The following RELT variants were observed in gnomAD, a reference collection of about 807,000 sequenced individuals.
RELT encodes the protein RELT TNF receptor, also known as tumor necrosis factor receptor superfamily member 19L.
RELT carries 37 observed loss-of-function variants against 51.1 expected under a neutral mutation model. The ratio of observed to expected loss-of-function variants is 0.72; its 90% CI spans 0.56 to 0.95. The LOEUF (loss-of-function observed/expected upper bound fraction) is 0.95. RELT is among the 40% of genes least tolerant of loss of function. The probability of loss-of-function intolerance (pLI) is 0.00; values close to 1 mark genes in which losing one functional copy is unlikely to be tolerated. For missense variants in RELT, 535 were observed against 572.6 expected, an observed-to-expected ratio of 0.93 and a Z score of 0.67; for synonymous variants, 241 against 235.7, an observed-to-expected ratio of 1.02 and a Z score of -0.21.
At chr11:73,378,651 G>C (rs1866005466) in intron 1 of RELT, among the ~76,000 whole-genome samples, 1 of 152,188 alleles carries the variant, frequency 6.6e-6, no homozygotes, top group African/African-American at 2.4e-5. Flanking sequence ...GCCTAGCCAG[G>C]GCATTACATT....
chr11:73,394,407 A>C lies in RELT; in HGVS notation c.789-70A>C. ...CTCCCACTTGGGTCTCCCTCAAGTCACCCTGTTCCCTGCTGGGGTCTCCTG... is the reference window on the plus strand; with the variant it reads ...CTCCCACTTGGGTCTCCCTCAAGTCCCCCTGTTCCCTGCTGGGGTCTCCTG... On this transcript the variant is annotated intron_variant, in intron 8 of 10. Coordinates refer to ENST00000064780, the MANE Select transcript of RELT (RefSeq NM_152222.2). This position sits in a 1 kb window ranked among gnomAD's most constrained non-coding sequence, Gnocchi z 4.9. The C allele has an allele frequency of 6.2e-7, 1 of 1,608,710 alleles. No individual in the cohort carries two copies. Among genetic ancestry groups the C allele is most frequent in the East Asian group, 2.2e-5 (1 of 44,794 alleles).
chr11:73,381,789 C>T (rs1866054171), intron 1 of RELT, among the ~76,000 whole-genome samples: 1 of 152,146 alleles, frequency 6.6e-6, no homozygotes, highest in Non-Finnish European at 1.5e-5. Context: ...GGACGTAGGC[C>T]TGTACAGGGG....
At position 73,391,880 on chromosome 11, in the gene RELT, G is replaced by A. The variant is rs534320073; in HGVS notation, c.368-331G>A. ...CACCCCCTGAGGCACTAGATTCATGGCCAGGCCACAGGGAGGCAGATCCCA... is the reference window on the plus strand; with the variant it reads ...CACCCCCTGAGGCACTAGATTCATGACCAGGCCACAGGGAGGCAGATCCCA... On this transcript the variant is annotated intron_variant, in intron 5 of 10. Transcript: ENST00000064780. 1.4e-4 allele frequency: 64 copies of A among 455,118 alleles called. 2 individuals are homozygous for A. The East Asian group carries it at 2.4e-3, about 17-fold the overall frequency. The allele number at this position is 455,118 out of a possible 1,614,324, so 28.2% of individuals were successfully genotyped here.
Position 73,391,141 on chromosome 11 carries a change from C to A in RELT, c.288-3C>A. 1.2e-6 allele frequency: 2 copies of A among 1,613,034 alleles called. No individual in the cohort carries two copies. Among genetic ancestry groups the A allele is most frequent in the Non-Finnish European group, 1.7e-6 (2 of 1,179,446 alleles). ...GCCTCAGTGGTATCTTCCCTCCTCG[C>A]AGGTGGTTTGGGCCTTGGGGGGTTC... On this transcript the variant is annotated splice_polypyrimidine_tract_variant and splice_region_variant and intron_variant, in intron 4 of 10. Transcript: ENST00000064780.
rs2134456149 is a variant in RELT at position 73,394,455 on chromosome 11, C to T, written c.789-22C>T. On this transcript the variant is annotated intron_variant, in intron 8 of 10. Coordinates refer to ENST00000064780, the MANE Select transcript of RELT (RefSeq NM_152222.2). This position sits in a 1 kb window ranked among gnomAD's most constrained non-coding sequence, Gnocchi z 4.9. ...CTGCCCCTGGCCTGGCCTATGGCCA[C>T]TTCTGCCTGTGCCCCCTGCAGGCTG... 6.2e-7 allele frequency: 1 copy of T among 1,609,592 alleles called. No individual in the cohort carries two copies. Among genetic ancestry groups the T allele is most frequent in the East Asian group, 2.2e-5 (1 of 44,780 alleles).
chr11:73,393,551 C>CCAGAA (rs1274604125), intron 6 of RELT: 1 of 1,359,856 alleles, frequency 7.4e-7, no homozygotes, highest in Non-Finnish European at 9.6e-7. Flanking sequence ...GCTGACGCAC[C>CCAGAA]GCCCCCTCGC....
intron 1 of RELT, among the ~76,000 whole-genome samples, chr11:73,377,269 A>AGTGTGTGTGT (rs369117500): frequency 0.015 from 2,128 of 146,154 alleles, 31 homozygotes; most frequent in Non-Finnish European, 0.022. Context: ...AAGTGGTGTC[A>AGTGTGTGTGT]GTGTGTGTGT....
At chr11:73,393,042 C>G in intron 6 of RELT, 1 of 999,364 alleles carries the variant, frequency 1.0e-6, no homozygotes, top group Non-Finnish European at 1.2e-6. Context: ...GGGGCCCACT[C>G]GCACACACCC....
intron 4 of RELT, 35 bp downstream of exon 4, chr11:73,390,956 T>C (rs776209664): frequency 1.9e-6 from 3 of 1,601,650 alleles, no homozygotes; most frequent in Admixed American, 1.8e-5. Flanking sequence ...GGCTCCTGGC[T>C]GGGTGACCAG....
intron 2 of RELT, 75 bp from the exon 3 acceptor site, chr11:73,390,476 A>G (rs1047661322): frequency 1.5e-6 from 2 of 1,362,776 alleles, no homozygotes; most frequent in Non-Finnish European, 2.1e-6. Context: ...TTCAGGAAAT[A>G]GGTGGGGGAT....
chr11:73,391,348 A>G, intron 5 of RELT, 125 bp downstream of exon 5: 1 of 865,992 alleles, frequency 1.2e-6, no homozygotes, highest in Admixed American at 2.4e-5. Context: ...AGCCCAGGGC[A>G]GGGCGTGCAG....
In RELT at chr11:73,391,239, G is replaced by C. The variant is rs1260700002; in HGVS notation, c.367+16G>C. On this transcript the variant is annotated intron_variant, in intron 5 of 10. Transcript: ENST00000064780. The stretch of plus-strand genomic sequence containing the variant: ...GGCTGTGATGGTGAGTGGCAGACTG[G>C]GGCTAGGACTGGTGCAGGGGTATGT... 6.2e-7 allele frequency: 1 copy of C among 1,611,198 alleles called. No individual in the cohort carries two copies. Among genetic ancestry groups the C allele is most frequent in the Admixed American group, 1.7e-5 (1 of 59,842 alleles).
In RELT at chr11:73,394,117, G is replaced by A. The variant is rs1443696574; in HGVS notation, c.707-119G>A. 7.7e-5 allele frequency: 81 copies of A among 1,045,656 alleles called. No individual in the cohort carries two copies. In the East Asian group the frequency reaches 1.6e-3, roughly 20 times the overall value. 64.8% of individuals were successfully genotyped at this position (1,045,656 alleles called of 1,614,324 possible). ...GCCTGATGAAGTGGGAGGAAAAGGCGCACAGCCCAGGCTGGGAGTGGTGGT... is the reference window on the plus strand; with the variant it reads ...GCCTGATGAAGTGGGAGGAAAAGGCACACAGCCCAGGCTGGGAGTGGTGGT... On this transcript the variant is annotated intron_variant, in intron 7 of 10. Coordinates refer to ENST00000064780, the MANE Select transcript of RELT (RefSeq NM_152222.2). The surrounding 1 kb of genome is among the most constrained non-coding windows in gnomAD (Gnocchi z 4.9).
Position 73,389,149 on chromosome 11 carries a change from C to A in RELT, c.13C>A (p.Leu5Met). 6.4e-7 allele frequency: 1 copy of A among 1,551,878 alleles called. No homozygotes were observed. Among genetic ancestry groups the A allele is most frequent in the Non-Finnish European group, 8.7e-7 (1 of 1,148,320 alleles). MKPS[L>M]LCRPLSCFLM... is the part of the protein sequence containing the mutation. ...CAGGGGCCTGAGGATGAAGCCAAGT[C>A]TGCTGTGCCGGCCCCTGTCCTGCTT... The change falls in exon 2 of 11, where the codon CTG (leucine) becomes ATG (methionine). Residue 5 changes from leucine to methionine, a missense_variant. Coordinates refer to ENST00000064780, the MANE Select transcript of RELT (RefSeq NM_152222.2).
At chr11:73,393,253 G>C in intron 6 of RELT, 1 of 1,011,436 alleles carries the variant, frequency 9.9e-7, no homozygotes, top group Non-Finnish European at 1.2e-6. Context: ...TTTTGCCTGG[G>C]ACTGTGCTTG....
intron 1 of RELT, among the ~76,000 whole-genome samples, chr11:73,385,468 A>G (rs141847723): frequency 1.3e-5 from 2 of 152,044 alleles, no homozygotes; most frequent in African/African-American, 4.8e-5. Flanking sequence ...TTGTTCGGGC[A>G]TTTTTTTGGA....
In RELT at chr11:73,391,139, C is replaced by G; in HGVS notation, c.288-5C>G. 2.5e-6 allele frequency: 4 copies of G among 1,612,770 alleles called. No individual in the cohort carries two copies. Among genetic ancestry groups the G allele is most frequent in the Non-Finnish European group, 3.4e-6 (4 of 1,179,280 alleles). On this transcript the variant is annotated splice_polypyrimidine_tract_variant and splice_region_variant and intron_variant, in intron 4 of 10. Transcript: ENST00000064780. ...GGGCCTCAGTGGTATCTTCCCTCCT[C>G]GCAGGTGGTTTGGGCCTTGGGGGGT...
rs200855585 is a variant in RELT at position 73,394,297 on chromosome 11, G to A, written c.768G>A (p.Thr256=). 1.1e-5 allele frequency: 18 copies of A among 1,613,040 alleles called. No individual in the cohort carries two copies. The highest frequency in any genetic ancestry group is 1.9e-4 in the Middle Eastern group (1 of 5,320). ...KEYHSKQLVQ[T]SHRPVSKLPP... is the part of the protein sequence containing the mutation. ...ACCACAGCAAACAGCTGGTGCAGAC[G>A]AGCCACAGGCCTGTGTCCAAGTGAG... Residue 256 remains threonine (T), a synonymous_variant, in exon 8 of 11, where the codon ACG becomes ACA. Transcript: ENST00000064780. This position sits in a 1 kb window ranked among gnomAD's most constrained non-coding sequence, Gnocchi z 4.9.
At chr11:73,379,034 G>A (rs182195120) in intron 1 of RELT, among the ~76,000 whole-genome samples, 1 of 152,088 alleles carries the variant, frequency 6.6e-6, no homozygotes, top group African/African-American at 2.4e-5. Flanking sequence ...TCTGGGCCTC[G>A]GTCTCCCTGT....
Sources: gnomAD v4.1 joint callset for allele counts (sites outside exome capture counted in the v4.1 genomes callset) on GRCh38, gnomAD v4.1.1 for gene constraint, Gnocchi (gnomAD v3.1) non-coding constraint, MANE v1.5 for transcripts, NCBI Gene and HGNC (gene_info 2026-07-23, HGNC 2026-07-21) for gene names.